ASXL2: variants seen among roughly 807,000 people sequenced by gnomAD.
ASXL2 encodes ASXL transcriptional regulator 2.
In ASXL2, 23 loss-of-function variants were observed where a neutral mutation model predicts 122.0. The observed-to-expected ratio is 0.19, with a 90% CI of 0.14 to 0.27. The LOEUF (loss-of-function observed/expected upper bound fraction) is 0.27. ASXL2 is among the 10% of genes least tolerant of loss of function. The probability of loss-of-function intolerance (pLI) is 1.00; values close to 1 mark genes in which losing one functional copy is unlikely to be tolerated. For missense variants in ASXL2, 1,518 were observed against 1,713.8 expected (o/e 0.89, Z 2.02); for synonymous variants, 650 against 637.0 (o/e 1.02, Z -0.31).
rs781394847 is a variant in ASXL2, at chr2:25,743,951, C to T, written c.2386G>A (p.Ala796Thr). 4.3e-5 allele frequency: 70 copies of T among 1,613,868 alleles called. No individual in the cohort carries two copies. The highest frequency in any genetic ancestry group is 5.8e-5 in the Non-Finnish European group (68 of 1,179,900). Residue 796 changes from alanine to threonine, a missense_variant, in exon 13 of 13, where the codon GCC (alanine) becomes ACC (threonine). Transcript: ENST00000435504. ...SGACTSVPSP[A>T]HIEKLDNEKL... ...TCATTATCCAATTTCTCTATGTGGG[C>T]TGGTGATGGGACACTTGTGCATGCT...
At position 25,743,955 on chromosome 2, in the gene ASXL2, T is replaced by C. The variant is rs113553608; in HGVS notation, c.2382A>G (p.Ser794=). The change falls in exon 13 of 13, where the codon TCA becomes TCG. Residue 794 remains serine (S), a synonymous_variant. Coordinates refer to ENST00000435504, the MANE Select transcript of ASXL2 (RefSeq NM_018263.6). ...AVSGACTSVP[S]PAHIEKLDNE... ...TATCCAATTTCTCTATGTGGGCTGG[T>C]GATGGGACACTTGTGCATGCTCCAC... The C allele has an allele frequency of 3.2e-4, 518 of 1,613,954 alleles. 1 individual carries two copies. The highest frequency in any genetic ancestry group is 8.2e-4 in the Middle Eastern group (5 of 6,062).
At chr2:25,816,224 C>T (rs531452723) in intron 3 of ASXL2, among the ~76,000 whole-genome samples, 54 of 148,196 alleles carry the variant, frequency 3.6e-4, no homozygotes, top group African/African-American at 1.3e-3. Flanking sequence ...TGCGACAAAG[C>T]GAGCCTCCAT....
chr2:25,741,803 T>G lies in ASXL2; in HGVS notation c.*226A>C, dbSNP rs2087831802. 2.0e-6 allele frequency: 1 copy of G among 497,960 alleles called. No homozygotes were observed. The highest frequency in any genetic ancestry group is 3.4e-5 in the Admixed American group (1 of 29,400). 30.8% of individuals were successfully genotyped at this position (497,960 alleles called of 1,614,324 possible). On this transcript the variant is annotated 3_prime_UTR_variant, in exon 13 of 13. Transcript: ENST00000435504. Reference sequence around the variant, plus strand: ...TTTACATGATTTTGTAAGTGCAAACTTGTCACAAATTCACAAAGTCTTGCT... The same window carrying G: ...TTTACATGATTTTGTAAGTGCAAACGTGTCACAAATTCACAAAGTCTTGCT...
chr2:25,758,905 C>T (rs1054892688), intron 9 of ASXL2, among the ~76,000 whole-genome samples: 1 of 152,038 alleles, frequency 6.6e-6, no homozygotes, highest in Admixed American at 6.5e-5. Flanking sequence ...GAAGCACTGG[C>T]CCACATCCTG....
At chr2:25,771,337 G>A in intron 6 of ASXL2, 103 bp downstream of exon 6, 3 of 974,164 alleles carry the variant, frequency 3.1e-6, no homozygotes, top group Non-Finnish European at 4.5e-6. Flanking sequence ...CACTGGCAAG[G>A]GCCCAATGTA....
intron 1 of ASXL2, among the ~76,000 whole-genome samples, chr2:25,862,836 C>T (rs2089855285): frequency 6.6e-6 from 1 of 151,752 alleles, no homozygotes; most frequent in Admixed American, 6.6e-5. Context: ...GAACTCCTGA[C>T]CTCAGGTGAT....
At chr2:25,865,066 A>T (rs1427782192) in intron 1 of ASXL2, among the ~76,000 whole-genome samples, 1 of 150,856 alleles carries the variant, frequency 6.6e-6, no homozygotes, top group Non-Finnish European at 1.5e-5. Flanking sequence ...CAGGTGATCC[A>T]CCCACCTCAG....
At chr2:25,762,989 G>A (rs748105641) in intron 8 of ASXL2, among the ~76,000 whole-genome samples, 1 of 152,060 alleles carries the variant, frequency 6.6e-6, no homozygotes, top group African/African-American at 2.4e-5. Flanking sequence ...CTTGATGATC[G>A]ATAAGGTAAA....
Position 25,743,260 on chromosome 2 carries a change from C to T in ASXL2, c.3077G>A (p.Ser1026Asn), listed in dbSNP as rs1192392267. ...CCTTGGAACCTGGGGGAGCTGCTTA[C>T]TTTGCAAGGTTTTGCCCAGCTGCTG... ...TQQQLGKTLQ[S>N]KQLPQVPRPL... Residue 1026 changes from serine to asparagine, a missense_variant, in exon 13 of 13, where the codon AGT becomes AAT. By Grantham distance (46) the Ser-to-Asn change is conservative (BLOSUM62 1). This residue lies in a region of ASXL2 where 831 missense variants were observed against 833.1 expected (regional missense o/e 1.00). Coordinates refer to ENST00000435504, the MANE Select transcript of ASXL2 (RefSeq NM_018263.6). 1.1e-5 allele frequency: 18 copies of T among 1,613,648 alleles called. No homozygotes were observed. Among genetic ancestry groups the T allele is most frequent in the Non-Finnish European group, 1.4e-5 (17 of 1,179,752 alleles).
chr2:25,868,966 A>G (rs1351861216), intron 1 of ASXL2, among the ~76,000 whole-genome samples: 1 of 152,016 alleles, frequency 6.6e-6, no homozygotes, highest in Non-Finnish European at 1.5e-5. Flanking sequence ...GGAGTTCAAG[A>G]CCAGCCTGGC....
intron 5 of ASXL2, among the ~76,000 whole-genome samples, chr2:25,784,054 T>C (rs1298924346): frequency 3.4e-5 from 1 of 29,258 alleles, no homozygotes; most frequent in Admixed American, 4.5e-4. Context: ...ACTCCATCTC[T>C]AAATAAATAA....
rs778570303 is a variant in ASXL2 at position 25,744,228 on chromosome 2, C to G, written c.2109G>C (p.Glu703Asp). 1 of 1,614,042 alleles carries G rather than the reference C, an allele frequency of 6.2e-7. No individual in the cohort carries two copies. Among genetic ancestry groups the G allele is most frequent in the Non-Finnish European group, 8.5e-7 (1 of 1,179,886 alleles). ...PGPGGGQGPG[E>D]GGEGQTARGG... ...CTCTAGCAGTCTGCCCTTCACCACCCTCTCCTGGACCTTGTCCACCCCCTG... is the reference window on the plus strand; with the variant it reads ...CTCTAGCAGTCTGCCCTTCACCACCGTCTCCTGGACCTTGTCCACCCCCTG... The change falls in exon 13 of 13, where the codon GAG (glutamate) becomes GAC (aspartate). Residue 703 changes from glutamate to aspartate, a missense_variant. Physicochemically the swap from Glu to Asp is conservative, Grantham distance 45 (BLOSUM62 2). This residue lies in a region of ASXL2 where 48 missense variants were observed against 82.1 expected (regional missense o/e 0.58). Coordinates refer to ENST00000435504, the MANE Select transcript of ASXL2 (RefSeq NM_018263.6). The surrounding 1 kb of genome is among the most constrained non-coding windows in gnomAD (Gnocchi z 4.7).
At chr2:25,761,125 AG>A (rs1206610464) in intron 8 of ASXL2, among the ~76,000 whole-genome samples, 6 of 152,216 alleles carry the variant, frequency 3.9e-5, no homozygotes, top group Non-Finnish European at 8.8e-5. Flanking sequence ...TGACAGAATG[AG>A]GGTCTAACAA....
chr2:25,851,852 C>G (rs1045043401), intron 1 of ASXL2, among the ~76,000 whole-genome samples: 4 of 152,094 alleles, frequency 2.6e-5, no homozygotes, highest in African/African-American at 9.7e-5. Context: ...GATCGTGCCA[C>G]TGGACTCCAG....
chr2:25,871,132 C>T (rs993863117), intron 1 of ASXL2, among the ~76,000 whole-genome samples: 1 of 152,050 alleles, frequency 6.6e-6, no homozygotes, highest in Non-Finnish European at 1.5e-5. Context: ...ACTAAAAATA[C>T]TAAATTTAAA....
At chr2:25,784,162 G>A (rs1448312577) in intron 5 of ASXL2, among the ~76,000 whole-genome samples, 1 of 151,912 alleles carries the variant, frequency 6.6e-6, no homozygotes, top group African/African-American at 2.4e-5. Context: ...GAGGCAGGAG[G>A]ATGACCTGAG....
intron 3 of ASXL2, among the ~76,000 whole-genome samples, chr2:25,819,029 A>G (rs1199551725): frequency 6.6e-6 from 1 of 152,150 alleles, no homozygotes; most frequent in Admixed American, 6.5e-5. Context: ...GGGGAAGGCC[A>G]CAGAACTCAG....
At chr2:25,818,751 C>T (rs1163837111) in intron 3 of ASXL2, among the ~76,000 whole-genome samples, 3 of 152,106 alleles carry the variant, frequency 2.0e-5, no homozygotes, top group South Asian at 2.1e-4. Context: ...TCACCATATG[C>T]GGCAACAGTG....
chr2:25,808,577 C>A (rs1374698538), intron 3 of ASXL2, among the ~76,000 whole-genome samples: 1 of 152,160 alleles, frequency 6.6e-6, no homozygotes, highest in Non-Finnish European at 1.5e-5. Flanking sequence ...GGTGATCTGC[C>A]CACCTCAGCC....
Sources: gnomAD v4.1 joint callset for allele counts (sites outside exome capture counted in the v4.1 genomes callset) on GRCh38, gnomAD v4.1.1 for gene constraint, gnomAD v4.1.1 regional missense constraint, Gnocchi (gnomAD v3.1) non-coding constraint, MANE v1.5 for transcripts, NCBI Gene and HGNC (gene_info 2026-07-23, HGNC 2026-07-21) for gene names.